VPS13A: variants seen among roughly 807,000 people sequenced by gnomAD.
The protein encoded by VPS13A is intermembrane lipid transfer protein VPS13A.
A neutral mutation model predicts 390.9 loss-of-function variants in VPS13A; 264 were observed. The ratio of observed to expected loss-of-function variants is 0.68; its 90% CI spans 0.61 to 0.75. VPS13A has a LOEUF of 0.75. Among genes scored for constraint, VPS13A ranks in the 30% least tolerant of loss-of-function variants. The pLI, the probability that VPS13A is intolerant of heterozygous loss-of-function variation, is 0.00. For synonymous variants in VPS13A, 1,231 were observed against 1,227.1 expected (o/e 1.00, Z -0.07); for missense variants, 3,409 against 3,733.9 (o/e 0.91, Z 2.27).
chr9:77,311,826 C>G (rs1829094143), intron 35 of VPS13A, among the ~76,000 whole-genome samples: 1 of 152,012 alleles, frequency 6.6e-6, no homozygotes, highest in Admixed American at 6.6e-5. Flanking sequence ...TTTTGTGGAC[C>G]ATTAAATTTT....
At chr9:77,310,842 C>A (rs1205853398) in intron 35 of VPS13A, among the ~76,000 whole-genome samples, 2 of 151,914 alleles carry the variant, frequency 1.3e-5, no homozygotes, top group South Asian at 4.1e-4. Context: ...TCATTTTAAT[C>A]GTTTTCTTCT....
intron 71 of VPS13A, among the ~76,000 whole-genome samples, chr9:77,413,478 C>G (rs1423164333): frequency 6.6e-6 from 1 of 152,124 alleles, no homozygotes; most frequent in East Asian, 1.9e-4. Context: ...CTGACAAAAA[C>G]AAGAAATGGG....
intron 31 of VPS13A, among the ~76,000 whole-genome samples, chr9:77,285,216 T>C (rs1827261080): frequency 1.3e-5 from 2 of 152,202 alleles, no homozygotes; most frequent in African/African-American, 2.4e-5. Context: ...GTTTTTGCCC[T>C]TATGAAATCA....
In VPS13A at chr9:77,416,655, TAAAG is replaced by T. The variant is rs1164263327; in HGVS notation, c.*653_*656del. ...ATTGAAGCCTCCCCTTAAGAAACCT[TAAAG>T]AAATAAGTATCCTACTCAAAAAAGG... On this transcript the variant is annotated 3_prime_UTR_variant, in exon 72 of 72. Transcript: ENST00000360280. 1.3e-5 allele frequency: 2 copies of T among 152,394 alleles called. No homozygotes were observed. The highest frequency in any genetic ancestry group is 2.1e-4 in the South Asian group (1 of 4,828). The allele number at this position is 152,394 out of a possible 1,614,324, so 9.4% of individuals were successfully genotyped here. A position where few individuals can be genotyped will look rare whatever the true frequency, so the allele number is the denominator to read the frequency against.
chr9:77,205,487 T>G (rs1400514074), intron 4 of VPS13A, 79 bp downstream of exon 4: 1 of 672,720 alleles, frequency 1.5e-6, no homozygotes, highest in Non-Finnish European at 2.2e-6. Flanking sequence ...AAAATACTTT[T>G]GGAATTTTTT....
intron 17 of VPS13A, among the ~76,000 whole-genome samples, chr9:77,236,740 T>C (rs1054062248): frequency 2.6e-5 from 4 of 152,224 alleles, no homozygotes; most frequent in Non-Finnish European, 4.4e-5. Context: ...GAAGACAATT[T>C]GCAGACAGAC....
chr9:77,316,359 A>G lies in VPS13A; in HGVS notation c.4816A>G (p.Arg1606Gly). ...TGCTGCCATTAAAGATCTCCAAGTG[A>G]GAGCCTGCCCGTTTCTTCCAGTCAA... ...MTAAIKDLQV[R>G]ACPFLPVKRK... The change falls in exon 39 of 72, where the codon AGA becomes GGA. Residue 1606 changes from arginine to glycine, a missense_variant. By Grantham distance (125) the Arg-to-Gly change is moderately radical. Coordinates refer to ENST00000360280, the MANE Select transcript of VPS13A (RefSeq NM_033305.3). 1 of 1,613,220 alleles carries G rather than the reference A, an allele frequency of 6.2e-7. No homozygotes were observed.
intron 59 of VPS13A, among the ~76,000 whole-genome samples, chr9:77,365,074 A>C (rs1466074099): frequency 6.6e-6 from 1 of 152,154 alleles, no homozygotes; most frequent in African/African-American, 2.4e-5. Flanking sequence ...TATATTACTG[A>C]TCTGTGTAGG....
chr9:77,398,373 A>G (rs376849551), intron 68 of VPS13A, among the ~76,000 whole-genome samples: 9 of 152,146 alleles, frequency 5.9e-5, no homozygotes, highest in Admixed American at 5.9e-4. Flanking sequence ...CAAGCAAGTC[A>G]CTTAGATGTA....
intron 71 of VPS13A, among the ~76,000 whole-genome samples, chr9:77,408,365 C>T (rs886300485): frequency 3.3e-5 from 5 of 152,182 alleles, no homozygotes; most frequent in African/African-American, 2.4e-5. Flanking sequence ...CTAGTGTGAG[C>T]GACACAGAAG....
rs1255219626 is a variant in VPS13A, at chr9:77,289,901, C to T, written c.3340-3440C>T. Among the ~76,000 whole-genome samples, 3 of 152,096 alleles carry T rather than the reference C, an allele frequency of 2.0e-5. No individual in the cohort carries two copies. In the East Asian group the frequency reaches 5.8e-4, roughly 29 times the overall value. On this transcript the variant is annotated intron_variant, in intron 31 of 71. Coordinates refer to ENST00000360280, the MANE Select transcript of VPS13A (RefSeq NM_033305.3). ...GTTCAAGTGATTCTTCTGCCTCAGC[C>T]TCCCAAATAGCTGAGATTACAGATG...
chr9:77,358,354 T>C lies in VPS13A; in HGVS notation c.7954-3T>C, dbSNP rs1262621947. ...ATATACTGATGTGTTTTTATTTTCT[T>C]AGATCCAAAATCAGATACATGGTGC... On this transcript the variant is annotated splice_region_variant and splice_polypyrimidine_tract_variant and intron_variant, in intron 56 of 71. Coordinates refer to ENST00000360280, the MANE Select transcript of VPS13A (RefSeq NM_033305.3). The C allele has an allele frequency of 6.2e-7, 1 of 1,611,196 alleles. No individual in the cohort carries two copies. Among genetic ancestry groups the C allele is most frequent in the Non-Finnish European group, 8.5e-7 (1 of 1,177,684 alleles).
intron 61 of VPS13A, 27 bp downstream of exon 61, chr9:77,366,899 T>C (rs1563963911): frequency 1.2e-6 from 2 of 1,606,470 alleles, no homozygotes; most frequent in Non-Finnish European, 1.7e-6. Context: ...AATCTGTAAA[T>C]TGATGGAAAT....
intron 1 of VPS13A, among the ~76,000 whole-genome samples, chr9:77,186,335 AAAG>A (rs1415684363): frequency 6.6e-6 from 1 of 152,226 alleles, no homozygotes; most frequent in East Asian, 1.9e-4. Context: ...ATAAGGAAGA[AAAG>A]ACTTAATTTA....
chr9:77,302,292 A>G (rs1828417067), intron 33 of VPS13A, among the ~76,000 whole-genome samples: 1 of 151,532 alleles, frequency 6.6e-6, no homozygotes, highest in African/African-American at 2.4e-5. Context: ...ATGGTTTACT[A>G]TACAACTTAC....
chr9:77,343,616 G>A (rs1045099747), intron 50 of VPS13A, among the ~76,000 whole-genome samples: 12 of 152,114 alleles, frequency 7.9e-5, no homozygotes, highest in South Asian at 2.1e-4. Context: ...GATCACTCAC[G>A]TTGAAGTTAT....
At chr9:77,379,467 C>T (rs914218288) in intron 67 of VPS13A, among the ~76,000 whole-genome samples, 4 of 151,834 alleles carry the variant, frequency 2.6e-5, no homozygotes, top group Admixed American at 6.6e-5. Flanking sequence ...CTCGAACTTC[C>T]GACCTCAGGT....
intron 1 of VPS13A, among the ~76,000 whole-genome samples, chr9:77,191,826 C>T (rs1824704204): frequency 6.6e-6 from 1 of 152,080 alleles, no homozygotes; most frequent in African/African-American, 2.4e-5. Flanking sequence ...TAGATACGTG[C>T]CATGTGCATA....
chr9:77,401,819 A>C (rs1002822213), intron 68 of VPS13A, among the ~76,000 whole-genome samples: 2 of 152,224 alleles, frequency 1.3e-5, no homozygotes, highest in Admixed American at 1.3e-4. Context: ...GTTTGAAAAT[A>C]TTAAATGGAA....
Sources: allele counts gnomAD v4.1 joint callset (sites outside exome capture counted in the v4.1 genomes callset), GRCh38; gene constraint gnomAD v4.1.1; transcripts MANE v1.5; gene names NCBI Gene and HGNC (gene_info 2026-07-23, HGNC 2026-07-21).